GPC5: variants seen among roughly 807,000 people sequenced by gnomAD.
GPC5 encodes glypican-5.
Under a neutral mutation model 53.9 loss-of-function variants are expected in GPC5, and 47 were observed. The ratio of observed to expected loss-of-function variants is 0.87; its 90% CI spans 0.69 to 1.11. The LOEUF (loss-of-function observed/expected upper bound fraction) is 1.11, where lower values mean the gene tolerates loss of function less well. Ranked by LOEUF, GPC5 falls within the 50% of genes most tolerant of loss-of-function variation. The pLI is 0.00. For missense variants in GPC5, 748 were observed against 713.1 expected (o/e 1.05, Z -0.56); for synonymous variants, 286 against 263.3 (o/e 1.09, Z -0.84).
At chr13:92,695,361 G>A (rs1323648328) in intron 7 of GPC5, among the ~76,000 whole-genome samples, 2 of 152,142 alleles carry the variant, frequency 1.3e-5, no homozygotes, top group African/African-American at 4.8e-5. Context: ...GAATATTTGT[G>A]TGTGTGGTTG....
intron 7 of GPC5, among the ~76,000 whole-genome samples, chr13:92,432,420 A>G (rs1469808782): frequency 2.2e-5 from 3 of 135,570 alleles, no homozygotes; most frequent in African/African-American, 8.4e-5. Flanking sequence ...GCTGGAATGC[A>G]GGCTCACTGC....
At chr13:92,527,188 A>AGG in intron 7 of GPC5, among the ~76,000 whole-genome samples, 1 of 18,498 alleles carries the variant, frequency 5.4e-5, no homozygotes, top group African/African-American at 3.5e-4. Context: ...GAAAGAAGAA[A>AGG]GAAAGAAAGA....
intron 7 of GPC5, among the ~76,000 whole-genome samples, chr13:92,386,528 C>T (rs535220186): frequency 1.3e-4 from 20 of 151,920 alleles, no homozygotes; most frequent in East Asian, 7.7e-4. Flanking sequence ...TGTGTTCTGG[C>T]GGACTTATTT....
At chr13:92,701,689 A>G (rs1260659037) in intron 7 of GPC5, among the ~76,000 whole-genome samples, 2 of 151,988 alleles carry the variant, frequency 1.3e-5, no homozygotes, top group Non-Finnish European at 2.9e-5. Context: ...TGCAATATCT[A>G]TAGAGGCCAT....
intron 7 of GPC5, chr13:92,241,275 T>A (rs2042609802): frequency 6.6e-6 from 1 of 151,988 alleles, no homozygotes; most frequent in African/African-American, 2.4e-5. Context: ...TAAAAGATAA[T>A]GGAAAGAAGT....
chr13:91,872,106 A>G (rs2039151913), intron 5 of GPC5, among the ~76,000 whole-genome samples: 1 of 152,094 alleles, frequency 6.6e-6, no homozygotes, highest in Non-Finnish European at 1.5e-5. Flanking sequence ...CCTTCTTCTT[A>G]GAAACAGAAG....
rs563496805 is a variant in GPC5 at position 92,550,342 on chromosome 13, TTA to T, written c.1562-315938_1562-315937del. 1.3e-3 allele frequency among the ~76,000 whole-genome samples: 192 copies of T among 152,042 alleles called. 1 individual carries two copies. Among genetic ancestry groups the T allele is most frequent in the African/African-American group, 4.5e-3 (187 of 41,560 alleles). On this transcript the variant is annotated intron_variant, in intron 7 of 7. Coordinates refer to ENST00000377067, the MANE Select transcript of GPC5 (RefSeq NM_004466.6). ...GATTGAGCTCTTTAGCCCCAAAGAA[TTA>T]TGTTTTCTCTATTCAGTATATATGT...
rs1479365382 is a variant in GPC5, at chr13:92,002,318, A to G, written c.1401+94261A>G. Among the ~76,000 whole-genome samples, 3 of 152,228 alleles carry G rather than the reference A, an allele frequency of 2.0e-5. No homozygotes were observed. In the East Asian group the frequency reaches 5.8e-4, roughly 29 times the overall value. On this transcript the variant is annotated intron_variant, in intron 6 of 7. Transcript: ENST00000377067. ...TTATCTCCATAATTCTGCCCAGTCT[A>G]AGATAATCCATTTTCACCTAGACTC...
intron 5 of GPC5, among the ~76,000 whole-genome samples, chr13:91,792,791 A>G (rs2037987777): frequency 6.6e-6 from 1 of 152,200 alleles, no homozygotes; most frequent in African/African-American, 2.4e-5. Context: ...ATCAAAAGCA[A>G]TTCTGTATAA....
intron 2 of GPC5, among the ~76,000 whole-genome samples, chr13:91,634,208 G>T (rs1254504832): frequency 1.3e-5 from 2 of 151,902 alleles, no homozygotes; most frequent in Admixed American, 6.6e-5. Flanking sequence ...TTCTAAAATT[G>T]CTAAGGTTGA....
At chr13:92,662,093 G>A (rs1355776447) in intron 7 of GPC5, among the ~76,000 whole-genome samples, 2 of 152,010 alleles carry the variant, frequency 1.3e-5, no homozygotes, top group African/African-American at 4.8e-5. Flanking sequence ...TGTCCCTACT[G>A]ACTCCCATTA....
At position 91,862,962 on chromosome 13, in the gene GPC5, C is replaced by T. The variant is rs558858676; in HGVS notation, c.1281-44975C>T. Among the ~76,000 whole-genome samples, 30 of 151,746 alleles carry T rather than the reference C, an allele frequency of 2.0e-4. No individual in the cohort carries two copies. In the East Asian group the frequency reaches 5.8e-3, roughly 29 times the overall value. On this transcript the variant is annotated intron_variant, in intron 5 of 7. Transcript: ENST00000377067. ...TTGCTTTGCTTCTCCTTCCTTTCCT[C>T]CTTTCCTTTCTCCTTCTCTTTCCCC... is the stretch of plus-strand genomic sequence containing the variant.
intron 6 of GPC5, among the ~76,000 whole-genome samples, chr13:91,940,846 G>C (rs879903528): frequency 2.6e-5 from 4 of 151,690 alleles, no homozygotes; most frequent in Admixed American, 2.6e-4. Flanking sequence ...GGGGTTATTT[G>C]TTTTTTGCTT....
intron 2 of GPC5, among the ~76,000 whole-genome samples, chr13:91,618,654 A>T (rs1348637191): frequency 4.0e-5 from 6 of 150,142 alleles, no homozygotes; most frequent in African/African-American, 1.2e-4. Context: ...AATAACACAT[A>T]TTTTTTTTTT....
Position 91,803,044 on chromosome 13 carries a change from T to C in GPC5, c.1280+46624T>C, listed in dbSNP as rs184390543. 7.9e-3 allele frequency among the ~76,000 whole-genome samples: 1,203 copies of C among 152,270 alleles called. 9 individuals carry two copies. The highest frequency in any genetic ancestry group is 0.013 in the Non-Finnish European group (901 of 68,018). ...TCTTACCAAGTAGATGTTTTAAAAA[T>C]AGTCAAAATAATCTGTTGCAAGTAC... On this transcript the variant is annotated intron_variant, in intron 5 of 7. Coordinates refer to ENST00000377067, the MANE Select transcript of GPC5 (RefSeq NM_004466.6).
At chr13:91,501,318 A>T (rs1884625660) in intron 2 of GPC5, among the ~76,000 whole-genome samples, 1 of 144,832 alleles carries the variant, frequency 6.9e-6, no homozygotes, top group Admixed American at 7.3e-5. Flanking sequence ...ACATGTATAT[A>T]TGTGCCATGT....
At chr13:91,781,764 T>C (rs2138722389) in intron 5 of GPC5, among the ~76,000 whole-genome samples, 1 of 152,336 alleles carries the variant, frequency 6.6e-6, no homozygotes, top group Non-Finnish European at 1.5e-5. Flanking sequence ...TAAAATTAAT[T>C]CTACCTATTT....
intron 7 of GPC5, among the ~76,000 whole-genome samples, chr13:92,570,971 T>C (rs545110104): frequency 2.6e-5 from 4 of 152,286 alleles, no homozygotes; most frequent in African/African-American, 9.6e-5. Context: ...TCAATGTTTT[T>C]CTCCTCCTTC....
chr13:92,046,019 G>A lies in GPC5; in HGVS notation c.1402-98811G>A, dbSNP rs112927835. 2.3e-3 allele frequency among the ~76,000 whole-genome samples: 344 copies of A among 152,162 alleles called. 1 individual carries two copies. Among genetic ancestry groups the A allele is most frequent in the African/African-American group, 7.9e-3 (330 of 41,522 alleles). On this transcript the variant is annotated intron_variant, in intron 6 of 7. Coordinates refer to ENST00000377067, the MANE Select transcript of GPC5 (RefSeq NM_004466.6). ...CAAGCTACTCAGGAGGCTGAGGCAG[G>A]AGAATGGCTTGAACCCGGGAGGCGG...
Sources: allele counts gnomAD v4.1 joint callset (sites outside exome capture counted in the v4.1 genomes callset), GRCh38; gene constraint gnomAD v4.1.1; transcripts MANE v1.5; gene names NCBI Gene and HGNC (gene_info 2026-07-23, HGNC 2026-07-21).